The following NTRK3 variants were observed in gnomAD, a reference collection of about 807,000 sequenced individuals.
NTRK3 encodes the protein neurotrophic receptor tyrosine kinase 3, also known as NT-3 growth factor receptor.
NTRK3 carries 24 observed loss-of-function variants against 91.7 expected under a neutral mutation model. The ratio of observed to expected loss-of-function variants is 0.26; its 90% CI spans 0.19 to 0.37. NTRK3 has a LOEUF of 0.37. Among genes scored for constraint, NTRK3 ranks in the 10% least tolerant of loss-of-function variants. NTRK3 has a pLI of 1.00. For synonymous variants in NTRK3, 483 were observed against 404.0 expected (o/e 1.20, Z -2.34); for missense variants, 880 against 1,068.9 (o/e 0.82, Z 2.46).
chr15:88,149,100 G>C (rs142654012), intron 5 of NTRK3, among the ~76,000 whole-genome samples: 2 of 152,166 alleles, frequency 1.3e-5, no homozygotes, highest in Non-Finnish European at 2.9e-5. Flanking sequence ...TCATGGGAGA[G>C]GTTGGGGCTG....
At chr15:87,873,323 A>C in exon 19 of NTRK3, 1 of 229,248 alleles carries the variant, frequency 4.4e-6, no homozygotes, top group East Asian at 6.2e-5. Context: ...GAGGAGGTTC[A>C]GTGATGCCCA....
intron 3 of NTRK3, among the ~76,000 whole-genome samples, chr15:88,206,637 G>T (rs1242428327): frequency 3.6e-5 from 5 of 137,894 alleles, no homozygotes; most frequent in African/African-American, 1.4e-4. Context: ...CGGCCTGGGC[G>T]ACAGAGCAAG....
intron 13 of NTRK3, among the ~76,000 whole-genome samples, chr15:88,048,832 G>A (rs773218334): frequency 3.3e-5 from 5 of 152,162 alleles, no homozygotes; most frequent in Admixed American, 1.3e-4. Flanking sequence ...AGCAACAGAT[G>A]GATGCCACAA....
intron 14 of NTRK3, among the ~76,000 whole-genome samples, chr15:87,967,386 T>A (rs1013678857): frequency 6.6e-6 from 1 of 152,068 alleles, no homozygotes; most frequent in African/African-American, 2.4e-5. Flanking sequence ...CATTTCATAG[T>A]CCAATCTTCC....
At position 88,142,558 on chromosome 15, in the gene NTRK3, TC is replaced by T. The variant is rs1208252411; in HGVS notation, c.464+4776del. Among the ~76,000 whole-genome samples the T allele has an allele frequency of 3.3e-5, 5 of 152,158 alleles. 1 individual carries two copies. Among genetic ancestry groups the T allele is most frequent in the African/African-American group, 1.2e-4 (5 of 41,428 alleles). On this transcript the variant is annotated intron_variant, in intron 6 of 18. Transcript: ENST00000394480. Reference sequence around the variant, plus strand: ...ACAGCATCAACACTTCCAGTGACAGTCCTGGGGCCAGGCAGTGGAAAATGAG... The same window carrying T: ...ACAGCATCAACACTTCCAGTGACAGTCTGGGGCCAGGCAGTGGAAAATGAG...
At chr15:87,940,024 G>A (rs1297383073) in intron 15 of NTRK3, among the ~76,000 whole-genome samples, 2 of 152,176 alleles carry the variant, frequency 1.3e-5, no homozygotes, top group Non-Finnish European at 2.9e-5. Flanking sequence ...CAGCTGCCAG[G>A]AGGAAGTTTC....
At chr15:87,974,151 G>A (rs2073505520) in intron 14 of NTRK3, among the ~76,000 whole-genome samples, 1 of 152,166 alleles carries the variant, frequency 6.6e-6, no homozygotes. Flanking sequence ...CAGGGGATGT[G>A]TCACAGCCCA....
intron 14 of NTRK3, among the ~76,000 whole-genome samples, chr15:87,945,806 A>G (rs2070419470): frequency 8.7e-6 from 1 of 115,270 alleles, no homozygotes; most frequent in African/African-American, 6.1e-5. Flanking sequence ...AGACTGGGAA[A>G]AAAAAAAAAA....
chr15:87,906,201 C>T (rs1243729640), intron 17 of NTRK3, among the ~76,000 whole-genome samples: 2 of 152,190 alleles, frequency 1.3e-5, no homozygotes, highest in African/African-American at 4.8e-5. Flanking sequence ...TGTTCTCATC[C>T]TCAAAGTGGA....
chr15:88,140,959 A>G (rs1221470411), intron 6 of NTRK3, among the ~76,000 whole-genome samples: 2 of 152,226 alleles, frequency 1.3e-5, no homozygotes, highest in African/African-American at 4.8e-5. Context: ...AAGAGGAAAA[A>G]GCAAAAGATG....
At chr15:87,895,366 G>A (rs921571430) in intron 17 of NTRK3, among the ~76,000 whole-genome samples, 6 of 152,130 alleles carry the variant, frequency 3.9e-5, no homozygotes, top group East Asian at 1.9e-4. Context: ...GATGAAGCTC[G>A]GAATTTTTTA....
At chr15:88,114,314 A>C (rs751941646) in intron 13 of NTRK3, among the ~76,000 whole-genome samples, 1 of 152,162 alleles carries the variant, frequency 6.6e-6, no homozygotes, top group Non-Finnish European at 1.5e-5. Context: ...AAAATCCCAA[A>C]TCCCACCACC....
chr15:87,986,438 C>G (rs1169481506), intron 14 of NTRK3, among the ~76,000 whole-genome samples: 4 of 152,216 alleles, frequency 2.6e-5, no homozygotes, highest in African/African-American at 9.6e-5. Flanking sequence ...CTCCTCTACC[C>G]CATCACCAGA....
exon 10 of NTRK3, chr15:88,135,321 G>A (rs754732972): frequency 1.9e-6 from 3 of 1,614,184 alleles, no homozygotes; most frequent in South Asian, 1.1e-5. Context: ...TTGGTGGGGG[G>A]TTGCCACGCA....
At chr15:88,101,697 A>C (rs2050191503) in intron 13 of NTRK3, among the ~76,000 whole-genome samples, 1 of 152,238 alleles carries the variant, frequency 6.6e-6, no homozygotes, top group South Asian at 2.1e-4. Flanking sequence ...ATAAAAAATG[A>C]TGAGTTCGTG....
At chr15:88,079,287 C>T (rs1414943520) in intron 13 of NTRK3, among the ~76,000 whole-genome samples, 2 of 152,302 alleles carry the variant, frequency 1.3e-5, no homozygotes, top group East Asian at 1.9e-4. Context: ...AGAGCTAGGC[C>T]AGCAGCTAGC....
Position 88,015,237 on chromosome 15 carries a change from G to A in NTRK3, c.1585+17620C>T, listed in dbSNP as rs375628715. On this transcript the variant is annotated intron_variant, in intron 14 of 18. Coordinates refer to ENST00000394480, the Ensembl canonical transcript of NTRK3. ...CTACTTCTGAGAAACAGTGACAAGC[G>A]TGATAAACAAAGGCCTGGACTATGT... Among the ~76,000 whole-genome samples the A allele has an allele frequency of 1.4e-3, 214 of 152,292 alleles. 2 individuals are homozygous for A. The highest frequency in any genetic ancestry group is 4.7e-3 in the African/African-American group (197 of 41,568).
intron 13 of NTRK3, among the ~76,000 whole-genome samples, chr15:88,090,780 G>A (rs1272531966): frequency 6.6e-6 from 1 of 151,954 alleles, no homozygotes; most frequent in Non-Finnish European, 1.5e-5. Context: ...TTCTGCCCAG[G>A]GGCCGAACCC....
At chr15:88,137,356 G>C (rs766532133) in intron 7 of NTRK3, 48 bp downstream of exon 7, 1 of 1,605,138 alleles carries the variant, frequency 6.2e-7, no homozygotes, top group Non-Finnish European at 8.5e-7. Context: ...TCTGGTGTCT[G>C]AGGGATGCCT....
Sources: allele counts gnomAD v4.1 joint callset (sites outside exome capture counted in the v4.1 genomes callset), GRCh38; gene constraint gnomAD v4.1.1; transcripts MANE v1.5; gene names NCBI Gene and HGNC (gene_info 2026-07-23, HGNC 2026-07-21).